Variants in ZNF717 observed in about 807,000 individuals in gnomAD.
The protein encoded by ZNF717 is krueppel-like factor X17.
Under a neutral mutation model 13.8 loss-of-function variants are expected in ZNF717, and 9 were observed. The observed-to-expected ratio is 0.65, with a 90% CI of 0.39 to 1.14. The LOEUF is 1.14. Ranked by LOEUF, ZNF717 falls within the 50% of genes most tolerant of loss-of-function variation. The probability of loss-of-function intolerance (pLI) is 0.01; values close to 1 mark genes in which losing one functional copy is unlikely to be tolerated. For missense variants in ZNF717, 1,040 were observed against 1,080.7 expected (o/e 0.96, Z 0.53); for synonymous variants, 327 against 364.1 (o/e 0.90, Z 1.16).
At chr3:75,702,406 G>A (rs2106814657) in intron 6 of ZNF717, among the ~76,000 whole-genome samples, 1 of 152,420 alleles carries the variant, frequency 6.6e-6, no homozygotes, top group South Asian at 2.1e-4. Context: ...TTATTTGTGG[G>A]TGCTAACATT....
At chr3:75,709,104 G>A (rs1368263835), downstream of ZNF717, among the ~76,000 whole-genome samples, 2 of 151,320 alleles carry the variant, frequency 1.3e-5, no homozygotes, top group South Asian at 2.1e-4. Flanking sequence ...GGGATCAAGC[G>A]ATTCCTGTTT....
intron 6 of ZNF717, among the ~76,000 whole-genome samples, chr3:75,695,594 C>T (rs1451468297): frequency 1.3e-5 from 2 of 152,290 alleles, no homozygotes; most frequent in Non-Finnish European, 2.9e-5. Context: ...AGTCTAAAGA[C>T]ATTCCAAAAA....
At chr3:75,727,893 T>C (rs1357039292), downstream of ZNF717, among the ~76,000 whole-genome samples, 10 of 152,242 alleles carry the variant, frequency 6.6e-5, no homozygotes, top group Admixed American at 6.5e-4. Context: ...GTCCTACCAA[T>C]GTGATGGCAC....
rs576901519 is a variant in ZNF717 at position 75,782,110 on chromosome 3, G to A, written c.57+1196C>T. Among the ~76,000 whole-genome samples the A allele has an allele frequency of 1.1e-4, 16 of 152,190 alleles. No individual in the cohort carries two copies. The South Asian group carries it at 1.5e-3, about 14-fold the overall frequency. ...TGTGGCGTTTCTCTCTAACTCGCTCGGATACGACAGTTTCAACTATGGTAG... is the reference window on the plus strand; with the variant it reads ...TGTGGCGTTTCTCTCTAACTCGCTCAGATACGACAGTTTCAACTATGGTAG... On this transcript the variant is annotated intron_variant, in intron 2 of 4. Coordinates refer to ENST00000652011, the MANE Select transcript of ZNF717 (RefSeq NM_001290208.3).
intron 6 of ZNF717, among the ~76,000 whole-genome samples, chr3:75,697,779 AATTGG>A: frequency 6.6e-6 from 1 of 152,308 alleles, no homozygotes; most frequent in Non-Finnish European, 1.5e-5. Flanking sequence ...TCAGCTTTGT[AATTGG>A]GTAAATAGGC....
chr3:75,723,497 AGAT>A (rs1248421269), intron 4 of ZNF717, among the ~76,000 whole-genome samples: 9 of 152,254 alleles, frequency 5.9e-5, no homozygotes, highest in South Asian at 2.1e-4. Flanking sequence ...AATAGAATAT[AGAT>A]GATGATATGT....
chr3:75,709,520 A>G (rs1356446787), downstream of ZNF717: 21 of 152,350 alleles, frequency 1.4e-4, no homozygotes, highest in African/African-American at 4.8e-4. Flanking sequence ...AACAATGAGG[A>G]AGGTTACATA....
Position 75,739,113 on chromosome 3 carries a change from C to A in ZNF717, c.510G>T (p.Lys170Asn), listed in dbSNP as rs1344810871. Residue 170 changes from lysine (K) to asparagine (N), a missense_variant, in exon 5 of 5, where the codon AAG (lysine) becomes AAT (asparagine). This residue lies in a region of ZNF717 where 873 missense variants were observed against 832.8 expected (regional missense o/e 1.05). Coordinates refer to ENST00000652011, the MANE Select transcript of ZNF717 (RefSeq NM_001290208.3). ...NDCQNMLFPI[K>N]PGETQSGEKP... ...TCTCTCCAGACTGTGTCTCCCCAGGCTTAATAGGGAAAAGCATGTTCTGGC... is the reference window on the plus strand; with the variant it reads ...TCTCTCCAGACTGTGTCTCCCCAGGATTAATAGGGAAAAGCATGTTCTGGC... The A allele has an allele frequency of 3.9e-6, 6 of 1,551,058 alleles. No individual in the cohort carries two copies. The highest frequency in any genetic ancestry group is 4.4e-6 in the Non-Finnish European group (5 of 1,146,706).
intron 2 of ZNF717, among the ~76,000 whole-genome samples, chr3:75,780,361 A>C (rs1189839704): frequency 6.6e-6 from 1 of 152,272 alleles, no homozygotes. Context: ...AAGGCCCTAC[A>C]TTTTGGTCAC....
intron 2 of ZNF717, among the ~76,000 whole-genome samples, chr3:75,748,243 T>C (rs3009091): frequency 0.83 from 126,854 of 152,144 alleles, 52,875 homozygotes; most frequent in East Asian, 0.89. Flanking sequence ...GAATCACAGC[T>C]GAATTCTACC....
chr3:75,739,688 T>G (rs1963439), intron 4 of ZNF717, among the ~76,000 whole-genome samples: 109,108 of 145,978 alleles, frequency 0.75, 40,424 homozygotes, highest in East Asian at 0.87. Context: ...TTTTTTTATT[T>G]ATTCATATAA....
At chr3:75,770,159 C>G (rs576028330) in intron 2 of ZNF717, among the ~76,000 whole-genome samples, 25 of 152,340 alleles carry the variant, frequency 1.6e-4, no homozygotes, top group African/African-American at 6.0e-4. Flanking sequence ...ACAAACACCC[C>G]CTTCAGGTTT....
At chr3:75,728,472 C>T (rs77858893), downstream of ZNF717, among the ~76,000 whole-genome samples, 77 of 152,302 alleles carry the variant, frequency 5.1e-4, no homozygotes, top group African/African-American at 1.8e-3. Flanking sequence ...TTCATTGATA[C>T]GGTTTGGCTC....
chr3:75,744,170 C>T (rs147234201), intron 2 of ZNF717, among the ~76,000 whole-genome samples: 70 of 152,314 alleles, frequency 4.6e-4, no homozygotes, highest in Non-Finnish European at 8.1e-4. Flanking sequence ...GTTCAATATT[C>T]GGAAGTCTAC....
intron 2 of ZNF717, among the ~76,000 whole-genome samples, chr3:75,765,377 T>C (rs1943382029): frequency 6.6e-6 from 1 of 152,170 alleles, no homozygotes; most frequent in African/African-American, 2.4e-5. Flanking sequence ...AAGGTATGTG[T>C]TTGTCACCAA....
intron 1 of ZNF717, among the ~76,000 whole-genome samples, chr3:75,784,369 G>C (rs1945020725): frequency 6.6e-6 from 1 of 152,208 alleles, no homozygotes; most frequent in South Asian, 2.1e-4. Context: ...TAAGTGAACA[G>C]AATTCAATAT....
downstream of ZNF717, among the ~76,000 whole-genome samples, chr3:75,734,813 ATATATTTTTTTTTTTTT>A (rs1938955443): frequency 1.7e-5 from 1 of 60,070 alleles, no homozygotes; most frequent in African/African-American, 9.0e-5. Flanking sequence ...ATATATATAT[ATATATTTTTTTTTTTTT>A]TTTTTTTTTT....
downstream of ZNF717, among the ~76,000 whole-genome samples, chr3:75,727,277 G>A (rs1938303876): frequency 2.6e-5 from 4 of 152,322 alleles, no homozygotes; most frequent in African/African-American, 9.6e-5. Flanking sequence ...AAACATGGGT[G>A]TTTGAACAAT....
At chr3:75,760,126 T>G (rs1942855882) in intron 2 of ZNF717, among the ~76,000 whole-genome samples, 1 of 152,204 alleles carries the variant, frequency 6.6e-6, no homozygotes, top group African/African-American at 2.4e-5. Flanking sequence ...CCTCCCAGAT[T>G]CAAGTGATTG....
Sources: gnomAD v4.1 joint callset for allele counts (sites outside exome capture counted in the v4.1 genomes callset) on GRCh38, gnomAD v4.1.1 for gene constraint, gnomAD v4.1.1 regional missense constraint, MANE v1.5 for transcripts, NCBI Gene and HGNC (gene_info 2026-07-23, HGNC 2026-07-21) for gene names.